CACNA2D3: variants seen among roughly 807,000 people sequenced by gnomAD.
CACNA2D3 encodes calcium voltage-gated channel auxiliary subunit alpha2delta 3.
In CACNA2D3, 60 loss-of-function variants were observed where a neutral mutation model predicts 160.6. The observed-to-expected ratio is 0.37, with a 90% CI of 0.30 to 0.46. The LOEUF (loss-of-function observed/expected upper bound fraction) is 0.46. Ranked by LOEUF, CACNA2D3 falls within the 20% of genes least tolerant of loss-of-function variation. The pLI is 1.00. For missense variants in CACNA2D3, 1,205 were observed against 1,365.0 expected (o/e 0.88, Z 1.85); for synonymous variants, 558 against 492.9 (o/e 1.13, Z -1.75).
chr3:54,304,817 G>A (rs4078008), intron 2 of CACNA2D3, among the ~76,000 whole-genome samples: 34,002 of 151,830 alleles, frequency 0.22, 4,089 homozygotes, highest in South Asian at 0.34. Flanking sequence ...ATGTCACAAA[G>A]CAAATTTAGA....
intron 2 of CACNA2D3, among the ~76,000 whole-genome samples, chr3:54,294,814 T>C (rs1314375720): frequency 6.6e-6 from 1 of 152,164 alleles, no homozygotes; most frequent in Admixed American, 6.5e-5. Context: ...CTGTGGAGTG[T>C]GGTGATCATT....
intron 9 of CACNA2D3, among the ~76,000 whole-genome samples, chr3:54,595,316 GTGTGTGTGT>G (rs1559521701): frequency 1.9e-4 from 19 of 99,888 alleles, no homozygotes; most frequent in Non-Finnish European, 4.1e-5. Flanking sequence ...TGTGTGTGGT[GTGTGTGTGT>G]GTGTGTGTGT....
intron 3 of CACNA2D3, among the ~76,000 whole-genome samples, chr3:54,354,499 G>A (rs529881626): frequency 1.3e-5 from 2 of 152,274 alleles, no homozygotes; most frequent in Non-Finnish European, 1.5e-5. Context: ...TGAGCTGCAA[G>A]TTAAATGAGG....
chr3:54,729,998 CAAAAAA>C (rs56364535), intron 11 of CACNA2D3, among the ~76,000 whole-genome samples: 17 of 109,504 alleles, frequency 1.6e-4, no homozygotes, highest in African/African-American at 4.5e-4. Flanking sequence ...GACTCCATCT[CAAAAAA>C]AAAAAAAAAA....
At chr3:54,456,204 T>TTG (rs373412212) in intron 4 of CACNA2D3, among the ~76,000 whole-genome samples, 56 of 152,024 alleles carry the variant, frequency 3.7e-4, no homozygotes, top group Admixed American at 3.3e-4. Flanking sequence ...CTTTCCATTT[T>TTG]TGTGTGTGTG....
intron 2 of CACNA2D3, among the ~76,000 whole-genome samples, chr3:54,174,449 C>T (rs1700626710): frequency 6.6e-6 from 1 of 152,162 alleles, no homozygotes; most frequent in South Asian, 2.1e-4. Flanking sequence ...GGGTTGGGAT[C>T]TTCTTGCCAC....
intron 2 of CACNA2D3, among the ~76,000 whole-genome samples, chr3:54,296,902 G>A (rs997425138): frequency 1.3e-5 from 2 of 152,196 alleles, no homozygotes; most frequent in African/African-American, 4.8e-5. Context: ...AGCTGAGTTT[G>A]GCAGAGCTGG....
chr3:54,326,508 G>C (rs1039079580), intron 3 of CACNA2D3, among the ~76,000 whole-genome samples: 4 of 152,148 alleles, frequency 2.6e-5, no homozygotes, highest in Non-Finnish European at 4.4e-5. Flanking sequence ...AATACTTCTG[G>C]TTTAAAAACT....
chr3:54,588,118 C>A (rs1351512883), intron 9 of CACNA2D3, among the ~76,000 whole-genome samples: 1 of 152,150 alleles, frequency 6.6e-6, no homozygotes, highest in South Asian at 2.1e-4. Flanking sequence ...ATGCTACCTG[C>A]AAGCAGGATT....
At chr3:54,953,292 A>G (rs930480674) in intron 27 of CACNA2D3, among the ~76,000 whole-genome samples, 1 of 152,232 alleles carries the variant, frequency 6.6e-6, no homozygotes, top group Admixed American at 6.5e-5. Flanking sequence ...TGAAACAGGC[A>G]GGACTCAGCC....
intron 4 of CACNA2D3, among the ~76,000 whole-genome samples, chr3:54,475,625 C>G (rs1340052418): frequency 2.0e-5 from 3 of 152,130 alleles, no homozygotes; most frequent in African/African-American, 7.2e-5. Context: ...ATAATGCTGT[C>G]TACAATCAGC....
rs371385171 is a variant in CACNA2D3, at chr3:54,879,307, A to G, written c.1783-43A>G. The G allele has an allele frequency of 7.8e-5, 114 of 1,464,968 alleles. 2 individuals are homozygous for G. In the South Asian group the frequency reaches 1.1e-3, roughly 14 times the overall value. 90.7% of individuals were successfully genotyped at this position (1,464,968 alleles called of 1,614,324 possible). A position where few individuals can be genotyped will look rare whatever the true frequency, so the allele number is the denominator to read the frequency against. The stretch of plus-strand genomic sequence containing the variant: ...GAAGACGTCACTTAGCAGACTAACC[A>G]TGTTTTCTTTTCTCTACGACTTTTT... On this transcript the variant is annotated intron_variant, in intron 19 of 37. Transcript: ENST00000474759.
chr3:54,628,818 A>T (rs1162903476), intron 10 of CACNA2D3, among the ~76,000 whole-genome samples: 2 of 152,108 alleles, frequency 1.3e-5, no homozygotes, highest in Non-Finnish European at 2.9e-5. Flanking sequence ...TACAACAGGC[A>T]GGAGGGGTGA....
At chr3:54,787,223 CT>C (rs1298699964) in intron 13 of CACNA2D3, among the ~76,000 whole-genome samples, 2 of 152,186 alleles carry the variant, frequency 1.3e-5, no homozygotes, top group Non-Finnish European at 2.9e-5. Context: ...AGGTAAGAAG[CT>C]ATCCAGATAA....
chr3:54,822,786 CTTTCCTTTCTTT>C (rs1389705644), intron 14 of CACNA2D3, among the ~76,000 whole-genome samples: 81 of 71,680 alleles, frequency 1.1e-3, no homozygotes, highest in South Asian at 4.7e-3. Context: ...TTCTTTCTTT[CTTTCCTTTCTTT>C]CTTTCTTTCT....
intron 3 of CACNA2D3, among the ~76,000 whole-genome samples, chr3:54,352,727 T>C (rs987105308): frequency 6.6e-6 from 1 of 152,178 alleles, no homozygotes; most frequent in African/African-American, 2.4e-5. Flanking sequence ...AAGGCAGTGG[T>C]GCTTACTTTA....
intron 11 of CACNA2D3, among the ~76,000 whole-genome samples, chr3:54,741,887 A>AT (rs1176047165): frequency 6.6e-6 from 1 of 150,980 alleles, no homozygotes; most frequent in African/African-American, 2.4e-5. Flanking sequence ...TTTTTAATTT[A>AT]TTTATTTTTT....
rs570591877 is a variant in CACNA2D3 at position 54,409,996 on chromosome 3, A to G, written c.381+23222A>G. On this transcript the variant is annotated intron_variant, in intron 4 of 37. Transcript: ENST00000474759. ...TGATGAAGGTGGCTATAGAAAACAT[A>G]TAAGGCTGATGCAACAACCTTATAT... is the stretch of plus-strand genomic sequence containing the variant. Among the ~76,000 whole-genome samples the G allele has an allele frequency of 1.6e-4, 25 of 152,356 alleles. No homozygotes were observed. In the East Asian group the frequency reaches 2.5e-3, roughly 15 times the overall value.
intron 4 of CACNA2D3, among the ~76,000 whole-genome samples, chr3:54,433,773 A>G (rs1404134842): frequency 6.6e-6 from 1 of 152,196 alleles, no homozygotes; most frequent in Non-Finnish European, 1.5e-5. Flanking sequence ...TCTAATGGGT[A>G]CAGACTGCAA....
Sources: allele counts gnomAD v4.1 joint callset (sites outside exome capture counted in the v4.1 genomes callset), GRCh38; gene constraint gnomAD v4.1.1; transcripts MANE v1.5; gene names NCBI Gene and HGNC (gene_info 2026-07-23, HGNC 2026-07-21).